Variants in GPR176 observed in about 807,000 individuals in gnomAD.
GPR176 encodes G-protein coupled receptor 176.
Under a neutral mutation model 35.4 loss-of-function variants are expected in GPR176, and 26 were observed. The ratio of observed to expected loss-of-function variants is 0.74; its 90% CI spans 0.54 to 1.02. The LOEUF (loss-of-function observed/expected upper bound fraction) is 1.02. GPR176 is among the 50% of genes least tolerant of loss of function. The probability of loss-of-function intolerance (pLI) is 0.00; values close to 1 mark genes in which losing one functional copy is unlikely to be tolerated. For synonymous variants in GPR176, 278 were observed against 271.3 expected (o/e 1.02, Z -0.24); for missense variants, 597 against 665.3 (o/e 0.90, Z 1.13).
chr15:39,918,312 C>T (rs897049743), intron 1 of GPR176, among the ~76,000 whole-genome samples: 1 of 152,168 alleles, frequency 6.6e-6, no homozygotes, highest in African/African-American at 2.4e-5. Flanking sequence ...GTCCTGTCTT[C>T]TACTTCAATA....
At chr15:39,815,396 G>A (rs547966357) in intron 1 of GPR176, 2 of 152,226 alleles carry the variant, frequency 1.3e-5, no homozygotes, top group Non-Finnish European at 2.9e-5. Flanking sequence ...TGGTCAGAAC[G>A]GGTGCCCCGG....
chr15:39,807,442 T>A (rs561618598), intron 1 of GPR176, 184 bp from the exon 2 acceptor site: 1 of 816,946 alleles, frequency 1.2e-6, no homozygotes, highest in Admixed American at 3.3e-5. Flanking sequence ...TGTGAAATTA[T>A]TAAATCACAT....
At position 39,799,347 on chromosome 15, in the gene GPR176, T is replaced by C. The variant is rs1348618512; in HGVS notation, c.*1785A>G. 6.6e-6 allele frequency: 1 copy of C among 152,232 alleles called. No homozygotes were observed. The highest frequency in any genetic ancestry group is 1.5e-5 in the Non-Finnish European group (1 of 68,048). 9.4% of individuals were successfully genotyped at this position (152,232 alleles called of 1,614,324 possible). A position where few individuals can be genotyped will look rare whatever the true frequency, so the allele number is the denominator to read the frequency against. ...CATTGACTATCAGGGCAAGGAGCTATAGATGCCATGCACGCAGGGCCCAGA... is the reference window on the plus strand; with the variant it reads ...CATTGACTATCAGGGCAAGGAGCTACAGATGCCATGCACGCAGGGCCCAGA... On this transcript the variant is annotated 3_prime_UTR_variant, in exon 3 of 3. Transcript: ENST00000561100.
intron 2 of GPR176, 29 bp from the exon 3 acceptor site, chr15:39,802,283 C>T (rs1898935458): frequency 6.6e-7 from 1 of 1,515,834 alleles, no homozygotes; most frequent in South Asian, 1.3e-5. Flanking sequence ...AAATTAATTC[C>T]ACAGAAGATA....
At chr15:39,835,125 C>T (rs963442923) in intron 1 of GPR176, among the ~76,000 whole-genome samples, 1 of 152,112 alleles carries the variant, frequency 6.6e-6, no homozygotes, top group Non-Finnish European at 1.5e-5. Flanking sequence ...TCAAGCAATT[C>T]TCCTGCTTCA....
chr15:39,890,847 T>C (rs913902811), intron 1 of GPR176, among the ~76,000 whole-genome samples: 3 of 151,974 alleles, frequency 2.0e-5, no homozygotes, highest in South Asian at 2.1e-4. Flanking sequence ...CATGGATGAG[T>C]TGGGCTTGGG....
At chr15:39,829,855 C>T (rs957716031) in intron 1 of GPR176, among the ~76,000 whole-genome samples, 3 of 152,082 alleles carry the variant, frequency 2.0e-5, no homozygotes, top group Non-Finnish European at 4.4e-5. Context: ...CCTAAAGCTG[C>T]GAGGTTCACA....
intron 1 of GPR176, among the ~76,000 whole-genome samples, chr15:39,869,602 A>G (rs1447423478): frequency 1.3e-5 from 2 of 151,712 alleles, no homozygotes; most frequent in Non-Finnish European, 2.9e-5. Flanking sequence ...CCTCATCTTC[A>G]TTTCCTCACA....
rs117303939 is a variant in GPR176 at position 39,919,299 on chromosome 15, A to C, written c.172+556T>G. Among the ~76,000 whole-genome samples, 744 of 152,312 alleles carry C rather than the reference A, an allele frequency of 4.9e-3. 5 individuals are homozygous for C. Among genetic ancestry groups the C allele is most frequent in the East Asian group, 0.04 (207 of 5,192 alleles). On this transcript the variant is annotated intron_variant, in intron 1 of 2. Transcript: ENST00000561100. ...GGGTTTGGTTTTGTTTTTTTTAAAT[A>C]ATCGACAGGCGACATACAGTTTAAC...
At chr15:39,890,626 T>C (rs1213119104) in intron 1 of GPR176, among the ~76,000 whole-genome samples, 1 of 152,264 alleles carries the variant, frequency 6.6e-6, no homozygotes, top group Non-Finnish European at 1.5e-5. Flanking sequence ...TGCCAAGCTC[T>C]ATTTGCTTAG....
chr15:39,892,081 CAT>C (rs779157388), intron 1 of GPR176, among the ~76,000 whole-genome samples: 11 of 152,114 alleles, frequency 7.2e-5, no homozygotes, highest in Admixed American at 2.0e-4. Flanking sequence ...TTATTGAGCA[CAT>C]ATGTGTTAGC....
intron 1 of GPR176, among the ~76,000 whole-genome samples, chr15:39,915,164 G>A (rs1220536968): frequency 2.0e-5 from 3 of 152,176 alleles, no homozygotes; most frequent in Non-Finnish European, 2.9e-5. Flanking sequence ...AATACCAAAA[G>A]CTGGGTGGCT....
chr15:39,877,004 C>A (rs1368266225), intron 1 of GPR176, among the ~76,000 whole-genome samples: 1 of 152,162 alleles, frequency 6.6e-6, no homozygotes, highest in East Asian at 1.9e-4. Context: ...ATAGAGCCTT[C>A]TTTACTAGTT....
At position 39,800,440 on chromosome 15, in the gene GPR176, G is replaced by A. The variant is rs890328933; in HGVS notation, c.*692C>T. On this transcript the variant is annotated 3_prime_UTR_variant, in exon 3 of 3. Coordinates refer to ENST00000561100, the MANE Select transcript of GPR176 (RefSeq NM_007223.3). ...GAGGGTGCAGGTGTATCTCTCTGAG[G>A]CGTTGGTGATGCCAAGGGAAAATCA... 7 of 152,290 alleles carry A rather than the reference G, an allele frequency of 4.6e-5. No homozygotes were observed. Among genetic ancestry groups the A allele is most frequent in the Non-Finnish European group, 7.3e-5 (5 of 68,150 alleles). 9.4% of individuals were successfully genotyped at this position (152,290 alleles called of 1,614,324 possible). A position where few individuals can be genotyped will look rare whatever the true frequency, so the allele number is the denominator to read the frequency against.
chr15:39,836,080 G>A (rs568162120), intron 1 of GPR176, among the ~76,000 whole-genome samples: 2 of 152,328 alleles, frequency 1.3e-5, no homozygotes, highest in South Asian at 4.1e-4. Context: ...GGGCAACAGA[G>A]TGAGACCTGT....
At chr15:39,840,103 A>G (rs1901651465) in intron 1 of GPR176, among the ~76,000 whole-genome samples, 1 of 152,182 alleles carries the variant, frequency 6.6e-6, no homozygotes, top group African/African-American at 2.4e-5. Flanking sequence ...AACTAGAAAT[A>G]CCATTTGAAC....
chr15:39,808,706 A>G (rs1899348303), intron 1 of GPR176, among the ~76,000 whole-genome samples: 1 of 152,240 alleles, frequency 6.6e-6, no homozygotes. Context: ...GGCACAGAGT[A>G]GGCATTTGAT....
chr15:39,904,492 A>AC (rs1300917604), intron 1 of GPR176, among the ~76,000 whole-genome samples: 1 of 152,166 alleles, frequency 6.6e-6, no homozygotes, highest in East Asian at 1.9e-4. Context: ...TAGATAGAGA[A>AC]CTGTGGGTGC....
At chr15:39,810,163 G>A (rs1231911116) in intron 1 of GPR176, among the ~76,000 whole-genome samples, 1 of 150,776 alleles carries the variant, frequency 6.6e-6, no homozygotes, top group Non-Finnish European at 1.5e-5. Flanking sequence ...AAAGACCTGA[G>A]TGATGAAATA....
Sources: gnomAD v4.1 joint callset for allele counts (sites outside exome capture counted in the v4.1 genomes callset) on GRCh38, gnomAD v4.1.1 for gene constraint, MANE v1.5 for transcripts, NCBI Gene and HGNC (gene_info 2026-07-23, HGNC 2026-07-21) for gene names.